Variants in HMGB1 observed in about 807,000 individuals in gnomAD.
HMGB1 encodes the protein high mobility group protein B1.
For synonymous variants in HMGB1, 81 were observed against 84.0 expected, an observed-to-expected ratio of 0.96 and a Z score of 0.19; for missense variants, 79 against 253.5, an observed-to-expected ratio of 0.31 and a Z score of 4.67.
rs546040090 is a variant in HMGB1, at chr13:30,498,940, G to A, written c.-14-35246C>T. 7.3e-5 allele frequency among the ~76,000 whole-genome samples: 10 copies of A among 136,530 alleles called. 1 individual carries two copies. The highest frequency in any genetic ancestry group is 7.4e-3 in the Middle Eastern group (2 of 272). 89.6% of individuals were successfully genotyped at this position (136,530 alleles called of 152,430 possible). A position where few individuals can be genotyped will look rare whatever the true frequency, so the allele number is the denominator to read the frequency against. ...TGGGATTACAAGTGTGAGCCACTGC[G>A]CCCAGCCTCTTTTTTGTTTTTTTTT... On this transcript the variant is annotated intron_variant, in intron 1 of 4. Coordinates refer to the HMGB1 transcript ENST00000405805.
In HMGB1 at chr13:30,511,138, G is replaced by T. The variant is rs1007432689; in HGVS notation, c.-14-47444C>A. On this transcript the variant is annotated intron_variant, in intron 1 of 4. Coordinates refer to the HMGB1 transcript ENST00000405805. ...AATGGTAATTAAAGATACCTGAAAT[G>T]CTGCCAGTAATAATCATAGAACTAA... is the stretch of plus-strand genomic sequence containing the variant. 2.0e-5 allele frequency among the ~76,000 whole-genome samples: 3 copies of T among 152,072 alleles called. No homozygotes were observed. In the South Asian group the frequency reaches 6.2e-4, roughly 31 times the overall value.
intron 1 of HMGB1, among the ~76,000 whole-genome samples, chr13:30,493,537 G>A (rs115479304): frequency 0.075 from 11,392 of 152,238 alleles, 1,412 homozygotes; most frequent in African/African-American, 0.26. Context: ...GCTCACGCCT[G>A]TAATCCTAGC....
At chr13:30,462,053 A>G (rs554163213) in intron 4 of HMGB1, among the ~76,000 whole-genome samples, 6 of 152,362 alleles carry the variant, frequency 3.9e-5, no homozygotes, top group Admixed American at 1.3e-4. Context: ...TTACTGAACT[A>G]TAAGAGTTAT....
At chr13:30,519,630 A>G (rs1393676915) in intron 1 of HMGB1, among the ~76,000 whole-genome samples, 4 of 151,606 alleles carry the variant, frequency 2.6e-5, no homozygotes, top group South Asian at 2.1e-4. Context: ...AACCCAGGAG[A>G]CGGAGCTTGC....
chr13:30,581,732 G>A (rs73456543), intron 1 of HMGB1, among the ~76,000 whole-genome samples: 3 of 152,262 alleles, frequency 2.0e-5, no homozygotes, highest in African/African-American at 7.2e-5. Flanking sequence ...TCTTAACGAG[G>A]AGGGAGACAC....
chr13:30,467,794 GGC>G (rs1323345890), upstream of HMGB1, among the ~76,000 whole-genome samples: 1 of 152,174 alleles, frequency 6.6e-6, no homozygotes, highest in African/African-American at 2.4e-5. Context: ...AGTTGAATAT[GGC>G]ACTATCAATA....
chr13:30,586,166 A>G (rs1479636617), intron 1 of HMGB1, among the ~76,000 whole-genome samples: 1 of 152,102 alleles, frequency 6.6e-6, no homozygotes, highest in Non-Finnish European at 1.5e-5. Flanking sequence ...CCCTGAGTTC[A>G]AGAGATCCTT....
chr13:30,513,556 C>A (rs1158248151), intron 1 of HMGB1, among the ~76,000 whole-genome samples: 1 of 152,238 alleles, frequency 6.6e-6, no homozygotes, highest in African/African-American at 2.4e-5. Flanking sequence ...TTCCAGAGCA[C>A]TGAGATTCCA....
intron 1 of HMGB1, among the ~76,000 whole-genome samples, chr13:30,502,100 G>C (rs1249828375): frequency 6.6e-6 from 1 of 152,104 alleles, no homozygotes; most frequent in Non-Finnish European, 1.5e-5. Context: ...AAAAGCATTG[G>C]TTCCATAAAT....
chr13:30,582,461 A>T (rs1158061131), intron 1 of HMGB1, among the ~76,000 whole-genome samples: 24 of 151,970 alleles, frequency 1.6e-4, no homozygotes, highest in Admixed American at 1.4e-3. Context: ...ACACGGTGAA[A>T]CCCCGTCTCC....
At chr13:30,473,890 T>A (rs1191426812) in intron 1 of HMGB1, among the ~76,000 whole-genome samples, 1 of 152,214 alleles carries the variant, frequency 6.6e-6, no homozygotes, top group Non-Finnish European at 1.5e-5. Context: ...TCGAATGTGG[T>A]ATATCCATAC....
chr13:30,497,321 G>T (rs1887630855), intron 1 of HMGB1, among the ~76,000 whole-genome samples: 1 of 152,100 alleles, frequency 6.6e-6, no homozygotes, highest in Non-Finnish European at 1.5e-5. Context: ...CCGCCTTCCG[G>T]GTTCAAGCGA....
chr13:30,478,844 A>C (rs1162462132), intron 1 of HMGB1, among the ~76,000 whole-genome samples: 1 of 149,382 alleles, frequency 6.7e-6, no homozygotes, highest in Non-Finnish European at 1.5e-5. Flanking sequence ...CCCAAATCCC[A>C]ATTTCTTTTT....
chr13:30,543,949 A>G (rs1417770753), intron 1 of HMGB1, among the ~76,000 whole-genome samples: 1 of 152,130 alleles, frequency 6.6e-6, no homozygotes, highest in Admixed American at 6.5e-5. Flanking sequence ...CCTTAAAGCA[A>G]CTCTGCTTAT....
intron 1 of HMGB1, chr13:30,541,969 C>CA (rs1220443055): frequency 1.3e-5 from 2 of 152,934 alleles, no homozygotes; most frequent in Non-Finnish European, 2.9e-5. Flanking sequence ...CTTCCTCAGC[C>CA]AGCTTCCGCA....
intron 1 of HMGB1, among the ~76,000 whole-genome samples, chr13:30,522,450 G>C (rs577908456): frequency 9.9e-5 from 15 of 151,834 alleles, no homozygotes; most frequent in African/African-American, 3.4e-4. Context: ...TTACCCCTCC[G>C]GGCTGTTCCA....
chr13:30,588,067 T>C (rs915778232), intron 1 of HMGB1, among the ~76,000 whole-genome samples: 1 of 152,234 alleles, frequency 6.6e-6, no homozygotes, highest in Admixed American at 6.5e-5. Context: ...CCAGTCTATT[T>C]ATCATATTAT....
chr13:30,551,311 C>T (rs1869419113), intron 1 of HMGB1, among the ~76,000 whole-genome samples: 1 of 152,170 alleles, frequency 6.6e-6, no homozygotes, highest in Non-Finnish European at 1.5e-5. Context: ...GTTTAAAAGG[C>T]TCATCACTGA....
At chr13:30,512,147 C>T (rs1283776715) in intron 1 of HMGB1, among the ~76,000 whole-genome samples, 1 of 146,060 alleles carries the variant, frequency 6.8e-6, no homozygotes, top group South Asian at 2.2e-4. Flanking sequence ...GAGCTTGTCT[C>T]TTAAAAAAAA....
Sources: gnomAD v4.1 joint callset for allele counts (sites outside exome capture counted in the v4.1 genomes callset) on GRCh38, gnomAD v4.1.1 for gene constraint, MANE v1.5 for transcripts, NCBI Gene and HGNC (gene_info 2026-07-23, HGNC 2026-07-21) for gene names.